The following FRMPD4 variants were observed in gnomAD, a reference collection of about 807,000 sequenced individuals.
FRMPD4 encodes the protein FERM and PDZ domain containing 4.
Under a neutral mutation model 94.1 loss-of-function variants are expected in FRMPD4, and 22 were observed. The observed-to-expected ratio is 0.23, with a 90% CI of 0.17 to 0.33. FRMPD4 has a LOEUF of 0.33. FRMPD4 is among the 10% of genes least tolerant of loss of function. The pLI is 1.00. For missense variants in FRMPD4, 1,111 were observed against 1,339.9 expected, an observed-to-expected ratio of 0.83 and a Z score of 2.67; for synonymous variants, 631 against 548.6, an observed-to-expected ratio of 1.15 and a Z score of -2.10.
intron 1 of FRMPD4, among the ~76,000 whole-genome samples, chrX:12,300,376 G>A (rs757523022): frequency 1.3e-4 from 14 of 111,881 alleles, no homozygotes; most frequent in Non-Finnish European, 2.6e-4. Flanking sequence ...TAAGGCTCTG[G>A]AGGCAGGATG....
intron 3 of FRMPD4, among the ~76,000 whole-genome samples, chrX:11,887,638 C>G (rs1240127393): frequency 8.9e-6 from 1 of 112,313 alleles, no homozygotes; most frequent in Non-Finnish European, 1.9e-5. Flanking sequence ...TCCAACCAGT[C>G]ACACCCGGGA....
At chrX:12,094,222 T>C (rs2055179659) in intron 3 of FRMPD4, among the ~76,000 whole-genome samples, 1 of 111,993 alleles carries the variant, frequency 8.9e-6, no homozygotes, top group Non-Finnish European at 1.9e-5. Flanking sequence ...TGCCCTGTTA[T>C]ACTTGTTCTT....
chrX:12,469,426 T>A (rs1276524244), intron 1 of FRMPD4, among the ~76,000 whole-genome samples: 1 of 111,236 alleles, frequency 9.0e-6, no homozygotes, highest in Non-Finnish European at 1.9e-5. Context: ...ATTTTTTGTA[T>A]GTTTTAGTAG....
At chrX:11,845,457 G>A (rs2147283593) in intron 1 of FRMPD4, among the ~76,000 whole-genome samples, 1 of 110,685 alleles carries the variant, frequency 9.0e-6, no homozygotes, top group South Asian at 3.9e-4. Flanking sequence ...GGTACAAAGA[G>A]GAACTGGTAC....
chrX:12,226,329 G>A (rs2056922529), intron 1 of FRMPD4, among the ~76,000 whole-genome samples: 1 of 111,346 alleles, frequency 9.0e-6, no homozygotes, highest in Admixed American at 9.5e-5. Context: ...ATGGGGAGGG[G>A]AGAATCATTC....
chrX:12,678,053 C>G (rs2059918474), intron 5 of FRMPD4, among the ~76,000 whole-genome samples: 1 of 112,009 alleles, frequency 8.9e-6, no homozygotes, highest in Non-Finnish European at 1.9e-5. Context: ...TCCTTCCAGT[C>G]TTTTTTTCTA....
chrX:12,127,408 G>T, intron 3 of FRMPD4, among the ~76,000 whole-genome samples: 1 of 111,660 alleles, frequency 9.0e-6, no homozygotes, highest in Middle Eastern at 4.6e-3. Flanking sequence ...AGTAAAGGGG[G>T]AAAAACCCTT....
chrX:11,950,726 A>G (rs2054217540), intron 3 of FRMPD4, among the ~76,000 whole-genome samples: 1 of 111,878 alleles, frequency 8.9e-6, no homozygotes, highest in Non-Finnish European at 1.9e-5. Flanking sequence ...TCAAAAGCAC[A>G]ATGAGATACC....
At position 12,356,593 on chromosome X, in the gene FRMPD4, G is replaced by A. The variant is rs751949894; in HGVS notation, c.42-142087G>A. On this transcript the variant is annotated intron_variant, in intron 1 of 16. Transcript: ENST00000675598. Reference sequence around the variant, plus strand: ...ATCTCTTTTTGTCATGTGAGGACACGTGTGACTATAACAAAAACCACTCAA... The same window carrying A: ...ATCTCTTTTTGTCATGTGAGGACACATGTGACTATAACAAAAACCACTCAA... Among the ~76,000 whole-genome samples, 7 of 111,867 alleles carry A rather than the reference G, an allele frequency of 6.3e-5. No homozygotes were observed. The East Asian group carries it at 8.4e-4, about 13-fold the overall frequency.
At position 12,267,609 on chromosome X, in the gene FRMPD4, T is replaced by C. The variant is rs747337819; in HGVS notation, c.41+128597T>C. 4.6e-5 allele frequency among the ~76,000 whole-genome samples: 5 copies of C among 109,254 alleles called. No homozygotes were observed. In the South Asian group the frequency reaches 2.0e-3, roughly 43 times the overall value. The allele number at this position is 109,254 out of a possible 115,157, so 94.9% of individuals were successfully genotyped here. ...ATGGAAAATATTTAGGAGGAATGGT[T>C]CGCTTGAATATTTTGGAGTCTACCA... On this transcript the variant is annotated intron_variant, in intron 1 of 16. Coordinates refer to ENST00000675598, the MANE Select transcript of FRMPD4 (RefSeq NM_001368397.1).
intron 3 of FRMPD4, among the ~76,000 whole-genome samples, chrX:12,083,632 A>C (rs947814206): frequency 5.3e-5 from 6 of 112,179 alleles, no homozygotes; most frequent in African/African-American, 1.9e-4. Flanking sequence ...AGCCATAGAC[A>C]CTCAATGCCA....
chrX:12,182,722 C>T (rs2056376062), intron 1 of FRMPD4, among the ~76,000 whole-genome samples: 1 of 110,769 alleles, frequency 9.0e-6, no homozygotes, highest in Non-Finnish European at 1.9e-5. Flanking sequence ...CTAGGTAGCC[C>T]AAGGACCATG....
At chrX:12,656,208 G>A (rs952364024) in intron 4 of FRMPD4, among the ~76,000 whole-genome samples, 1 of 111,784 alleles carries the variant, frequency 8.9e-6, no homozygotes, top group Non-Finnish European at 1.9e-5. Flanking sequence ...AAAAAAGTAA[G>A]GTAAAGGAAG....
At chrX:11,986,690 A>G (rs5933945) in intron 3 of FRMPD4, among the ~76,000 whole-genome samples, 9,879 of 111,338 alleles carry the variant, frequency 0.089, 368 homozygotes, top group East Asian at 0.24. Flanking sequence ...ACAAAGAAAA[A>G]GAGAGAAGAC....
At chrX:12,332,053 TATATGTA>T (rs2055423929) in intron 1 of FRMPD4, among the ~76,000 whole-genome samples, 2 of 77,245 alleles carry the variant, frequency 2.6e-5, no homozygotes, top group Non-Finnish European at 4.5e-5. Context: ...ATATATAAAT[TATATGTA>T]ATATATAATT....
intron 2 of FRMPD4, among the ~76,000 whole-genome samples, chrX:12,526,268 T>G (rs1183753560): frequency 8.9e-6 from 1 of 112,537 alleles, no homozygotes; most frequent in African/African-American, 3.2e-5. Context: ...TAGCAAGAGC[T>G]GGGTGCAGTC....
At chrX:12,487,137 T>A (rs766857955) in intron 1 of FRMPD4, among the ~76,000 whole-genome samples, 1 of 111,962 alleles carries the variant, frequency 8.9e-6, no homozygotes, top group East Asian at 2.8e-4. Flanking sequence ...CTCTTAGAGA[T>A]TTTCTAAAGA....
chrX:12,655,235 T>C (rs2059641412), intron 4 of FRMPD4, among the ~76,000 whole-genome samples: 1 of 112,401 alleles, frequency 8.9e-6, no homozygotes, highest in Non-Finnish European at 1.9e-5. Context: ...AAATATAATA[T>C]TTTCTTTATT....
At chrX:12,157,220 G>A (rs920370972) in intron 1 of FRMPD4, among the ~76,000 whole-genome samples, 13 of 112,038 alleles carry the variant, frequency 1.2e-4, no homozygotes, top group African/African-American at 4.2e-4. Flanking sequence ...GCTTATTATA[G>A]CCTATTGAAG....
Sources: gnomAD v4.1 joint callset for allele counts (sites outside exome capture counted in the v4.1 genomes callset) on GRCh38, gnomAD v4.1.1 for gene constraint, MANE v1.5 for transcripts, NCBI Gene and HGNC (gene_info 2026-07-23, HGNC 2026-07-21) for gene names.